SLIT1: variants seen among roughly 807,000 people sequenced by gnomAD.
SLIT1 encodes the protein slit guidance ligand 1.
In SLIT1, 66 loss-of-function variants were observed where a neutral mutation model predicts 186.1. That is an observed-to-expected ratio of 0.35 (90% CI 0.29 to 0.44). The LOEUF (loss-of-function observed/expected upper bound fraction) is 0.44, where lower values mean the gene tolerates loss of function less well. SLIT1 is among the 20% of genes least tolerant of loss of function. The pLI is 1.00. For synonymous variants in SLIT1, 761 were observed against 833.8 expected (o/e 0.91, Z 1.50); for missense variants, 1,638 against 2,037.4 (o/e 0.80, Z 3.77).
intron 4 of SLIT1, among the ~76,000 whole-genome samples, chr10:97,074,730 C>T (rs1160295543): frequency 1.3e-5 from 2 of 152,190 alleles, no homozygotes; most frequent in South Asian, 2.1e-4. Flanking sequence ...GCCGCCCGCC[C>T]CTGAAGACAA....
At chr10:97,106,160 A>G (rs1849411674) in intron 4 of SLIT1, among the ~76,000 whole-genome samples, 1 of 152,118 alleles carries the variant, frequency 6.6e-6, no homozygotes, top group African/African-American at 2.4e-5. Context: ...CCAGCCCATC[A>G]TTTGCCTGGC....
intron 30 of SLIT1, among the ~76,000 whole-genome samples, chr10:97,012,029 C>T (rs751605595): frequency 4.0e-4 from 60 of 148,740 alleles, no homozygotes; most frequent in Middle Eastern, 3.4e-3. Context: ...TTACTCATTT[C>T]CTTGTCCAGT....
chr10:97,149,022 G>A (rs1219796406), intron 4 of SLIT1, among the ~76,000 whole-genome samples: 1 of 152,228 alleles, frequency 6.6e-6, no homozygotes, highest in Non-Finnish European at 1.5e-5. Context: ...ATTCTCTCGG[G>A]ATGACCCACT....
chr10:97,091,928 A>C lies in SLIT1; in HGVS notation c.414-25842T>G, dbSNP rs556686977. 9.2e-5 allele frequency among the ~76,000 whole-genome samples: 14 copies of C among 152,366 alleles called. 1 individual carries two copies. The South Asian group carries it at 2.9e-3, about 32-fold the overall frequency. On this transcript the variant is annotated intron_variant, in intron 4 of 36. Transcript: ENST00000266058. The stretch of plus-strand genomic sequence containing the variant: ...AACTCTGAGGCCAGGAGTGGCGAGA[A>C]GTCTTGCTCACAATTCACACACTAG...
chr10:97,043,708 C>T lies in SLIT1; in HGVS notation c.1854-195G>A, dbSNP rs936450572. ...TACACACCTGTGCCCACTCCAGACCCGCCCCCGCCTCTGAGAAGCCTCGAG... is the reference window on the plus strand; with the variant it reads ...TACACACCTGTGCCCACTCCAGACCTGCCCCCGCCTCTGAGAAGCCTCGAG... On this transcript the variant is annotated intron_variant, in intron 18 of 36. Transcript: ENST00000266058. This position sits in a 1 kb window ranked among gnomAD's most constrained non-coding sequence, Gnocchi z 7.0. Among the ~76,000 whole-genome samples the T allele has an allele frequency of 2.6e-5, 4 of 152,046 alleles. No homozygotes were observed. Among genetic ancestry groups the T allele is most frequent in the Admixed American group, 6.5e-5 (1 of 15,278 alleles).
chr10:97,123,407 A>G (rs1849576894), intron 4 of SLIT1, among the ~76,000 whole-genome samples: 1 of 152,208 alleles, frequency 6.6e-6, no homozygotes, highest in African/African-American at 2.4e-5. Context: ...AATGCTATGC[A>G]TGGGGAGACT....
intron 4 of SLIT1, among the ~76,000 whole-genome samples, chr10:97,139,421 C>T (rs1849736165): frequency 6.6e-6 from 1 of 152,224 alleles, no homozygotes; most frequent in Non-Finnish European, 1.5e-5. Context: ...GAGAGGAGAG[C>T]TGGTCACACA....
chr10:97,058,578 T>A lies in SLIT1; in HGVS notation c.1085+882A>T, dbSNP rs1008763263. On this transcript the variant is annotated intron_variant, in intron 11 of 36. Coordinates refer to ENST00000266058, the MANE Select transcript of SLIT1 (RefSeq NM_003061.3). ...TGCACAACTTCAGGGGTGCCATTCA[T>A]AATTGGCCCCACCCTCTACTTGGAC... is the stretch of plus-strand genomic sequence containing the variant. Among the ~76,000 whole-genome samples, 3 of 152,174 alleles carry A rather than the reference T, an allele frequency of 2.0e-5. No homozygotes were observed. The East Asian group carries it at 5.8e-4, about 29-fold the overall frequency.
At chr10:97,119,112 G>A (rs551774599) in intron 4 of SLIT1, among the ~76,000 whole-genome samples, 41 of 152,318 alleles carry the variant, frequency 2.7e-4, no homozygotes, top group African/African-American at 9.6e-4. Context: ...TCTAGCTTGG[G>A]AAACGGGTGT....
In SLIT1 at chr10:97,000,928, C is replaced by T. The variant is rs939799973; in HGVS notation, c.*184G>A. On this transcript the variant is annotated 3_prime_UTR_variant, in exon 37 of 37. Coordinates refer to ENST00000266058, the MANE Select transcript of SLIT1 (RefSeq NM_003061.3). Reference sequence around the variant, plus strand: ...GCTCAGGCCTCGCCCACCCCCGCTGCCCCCAGCTATGGCGCAATTTGCTTT... The same window carrying T: ...GCTCAGGCCTCGCCCACCCCCGCTGTCCCCAGCTATGGCGCAATTTGCTTT... 3.3e-6 allele frequency: 2 copies of T among 598,876 alleles called. No homozygotes were observed. Among genetic ancestry groups the T allele is most frequent in the South Asian group, 4.1e-5 (2 of 49,206 alleles). 37.1% of individuals were successfully genotyped at this position (598,876 alleles called of 1,614,324 possible).
intron 7 of SLIT1, 120 bp from the exon 8 acceptor site, chr10:97,063,738 A>G: frequency 9.0e-7 from 1 of 1,110,670 alleles, no homozygotes; most frequent in Non-Finnish European, 1.3e-6. Flanking sequence ...AACACAGTCT[A>G]CATTTAGTCA....
intron 25 of SLIT1, among the ~76,000 whole-genome samples, chr10:97,025,315 C>T (rs545161484): frequency 6.6e-6 from 1 of 152,164 alleles, no homozygotes; most frequent in African/African-American, 2.4e-5. Context: ...CAAAAAACGA[C>T]AACAACAAAA....
intron 25 of SLIT1, among the ~76,000 whole-genome samples, chr10:97,024,979 A>G (rs1358638457): frequency 6.6e-6 from 1 of 152,236 alleles, no homozygotes; most frequent in East Asian, 1.9e-4. Flanking sequence ...TAAAAAAAAT[A>G]TGGGTGCAGG....
At chr10:97,174,892 T>TA (rs1850236719) in intron 1 of SLIT1, among the ~76,000 whole-genome samples, 1 of 152,216 alleles carries the variant, frequency 6.6e-6, no homozygotes, top group Admixed American at 6.5e-5. Context: ...TTAATTGTGG[T>TA]AAAAATATAC....
Position 97,002,227 on chromosome 10 carries a change from G to C in SLIT1, c.4297C>G (p.Gln1433Glu). 6.3e-7 allele frequency: 1 copy of C among 1,589,242 alleles called. No homozygotes were observed. The highest frequency in any genetic ancestry group is 8.6e-7 in the Non-Finnish European group (1 of 1,165,804). ...RGLQCLHGHC[Q>E]ASGTKGAHCV... is the part of the protein sequence containing the mutation. ...TGTGCCCCCTTGGTGCCTGAGGCCT[G>C]GCAGTGGCCATGCAGGCACTGCAGG... The change falls in exon 36 of 37, where the codon CAG becomes GAG. Residue 1433 changes from glutamine to glutamate, a missense_variant. This residue lies in a region of SLIT1 where 220 missense variants were observed against 211.3 expected (regional missense o/e 1.04). Coordinates refer to ENST00000266058, the MANE Select transcript of SLIT1 (RefSeq NM_003061.3).
intron 1 of SLIT1, among the ~76,000 whole-genome samples, chr10:97,183,306 C>T (rs533314799): frequency 6.6e-6 from 1 of 152,316 alleles, no homozygotes; most frequent in Non-Finnish European, 1.5e-5. Flanking sequence ...CCTCAGCACC[C>T]AGGGCAGTTC....
intron 30 of SLIT1, among the ~76,000 whole-genome samples, chr10:97,012,889 T>C (rs1321593851): frequency 6.6e-6 from 1 of 152,198 alleles, no homozygotes; most frequent in Non-Finnish European, 1.5e-5. Context: ...CTGGCCTGAC[T>C]GGTGGAATGG....
chr10:97,179,758 GT>G (rs1263629007), intron 1 of SLIT1, among the ~76,000 whole-genome samples: 1 of 151,264 alleles, frequency 6.6e-6, no homozygotes, highest in Non-Finnish European at 1.5e-5. Context: ...AGAGGAGGGG[GT>G]CATGAGCTCC....
chr10:97,092,778 T>C (rs896536106), intron 4 of SLIT1, among the ~76,000 whole-genome samples: 1 of 152,330 alleles, frequency 6.6e-6, no homozygotes, highest in Non-Finnish European at 1.5e-5. Context: ...ATAAAATCCA[T>C]GCCAAGGGCA....
Sources: gnomAD v4.1 joint callset for allele counts (sites outside exome capture counted in the v4.1 genomes callset) on GRCh38, gnomAD v4.1.1 for gene constraint, gnomAD v4.1.1 regional missense constraint, Gnocchi (gnomAD v3.1) non-coding constraint, MANE v1.5 for transcripts, NCBI Gene and HGNC (gene_info 2026-07-23, HGNC 2026-07-21) for gene names.